The following ARFGAP3 variants were observed in gnomAD, a reference collection of about 807,000 sequenced individuals.
The protein encoded by ARFGAP3 is ARF GTPase activating protein 3, also known as ADP-ribosylation factor GTPase-activating protein 3.
Under a neutral mutation model 75.0 loss-of-function variants are expected in ARFGAP3, and 72 were observed. The observed-to-expected ratio is 0.96, with a 90% CI of 0.79 to 1.17. The LOEUF (loss-of-function observed/expected upper bound fraction) is 1.17. Among genes scored for constraint, ARFGAP3 ranks in the 50% most tolerant of loss-of-function variants. ARFGAP3 has a pLI of 0.00. For synonymous variants in ARFGAP3, 221 were observed against 217.9 expected (o/e 1.01, Z -0.13); for missense variants, 620 against 626.6 (o/e 0.99, Z 0.11).
chr22:42,807,685 T>C (rs972049153), intron 13 of ARFGAP3, among the ~76,000 whole-genome samples: 4 of 151,908 alleles, frequency 2.6e-5, no homozygotes, highest in East Asian at 3.9e-4. Context: ...ATCATCCAAA[T>C]AGTCAGAGGC....
chr22:42,841,205 G>T, intron 2 of ARFGAP3, 189 bp from the exon 3 acceptor site: 1 of 613,126 alleles, frequency 1.6e-6, no homozygotes, highest in Non-Finnish European at 2.0e-6. Flanking sequence ...GCAACCCCTG[G>T]CTCCTCTCGT....
intron 1 of ARFGAP3, among the ~76,000 whole-genome samples, chr22:42,854,164 A>G (rs139444082): frequency 5.3e-4 from 81 of 152,356 alleles, no homozygotes; most frequent in African/African-American, 1.5e-3. Context: ...CCACTAGACT[A>G]TAAGTTCCCT....
At chr22:42,800,126 T>C (rs944438575) in intron 14 of ARFGAP3, among the ~76,000 whole-genome samples, 1 of 152,204 alleles carries the variant, frequency 6.6e-6, no homozygotes, top group African/African-American at 2.4e-5. Flanking sequence ...GTCACAATTG[T>C]AATAAGACGC....
chr22:42,854,780 T>C (rs1299256611), intron 1 of ARFGAP3, among the ~76,000 whole-genome samples: 2 of 152,212 alleles, frequency 1.3e-5, no homozygotes, highest in Admixed American at 1.3e-4. Context: ...GGCTCATGTA[T>C]CTTAGAGCTG....
intron 5 of ARFGAP3, among the ~76,000 whole-genome samples, chr22:42,833,072 T>C (rs1324794212): frequency 6.6e-6 from 1 of 151,788 alleles, no homozygotes; most frequent in Non-Finnish European, 1.5e-5. Context: ...TTTCCCTAGA[T>C]CTAAGTGATC....
chr22:42,821,384 AT>A (rs1925806302), intron 9 of ARFGAP3, among the ~76,000 whole-genome samples: 1 of 152,062 alleles, frequency 6.6e-6, no homozygotes, highest in Admixed American at 6.5e-5. Flanking sequence ...GCCACTCTCC[AT>A]TCTCTCCTCA....
chr22:42,841,046 A>G (rs1269678675), intron 2 of ARFGAP3, 30 bp from the exon 3 acceptor site: 1 of 1,604,162 alleles, frequency 6.2e-7, no homozygotes, highest in Non-Finnish European at 8.5e-7. Context: ...CTAACTGTTA[A>G]TATTTTTTAT....
At chr22:42,801,422 T>C (rs1924855894) in intron 14 of ARFGAP3, among the ~76,000 whole-genome samples, 1 of 152,210 alleles carries the variant, frequency 6.6e-6, no homozygotes, top group Non-Finnish European at 1.5e-5. Flanking sequence ...ATGTTTGCTG[T>C]GCCCAGTGCA....
chr22:42,851,302 C>T (rs1232830615), intron 1 of ARFGAP3, among the ~76,000 whole-genome samples: 4 of 152,230 alleles, frequency 2.6e-5, no homozygotes, highest in Non-Finnish European at 5.9e-5. Flanking sequence ...TTTGGGTACA[C>T]AGCCCAGAGC....
intron 6 of ARFGAP3, among the ~76,000 whole-genome samples, chr22:42,829,009 T>C (rs565258557): frequency 2.0e-5 from 3 of 152,310 alleles, no homozygotes; most frequent in African/African-American, 7.2e-5. Flanking sequence ...TGCTAATAAA[T>C]TATAATAGTG....
intron 2 of ARFGAP3, among the ~76,000 whole-genome samples, chr22:42,844,828 C>A (rs997384531): frequency 4.6e-5 from 7 of 152,136 alleles, no homozygotes; most frequent in African/African-American, 1.7e-4. Flanking sequence ...TAGACTCCTG[C>A]CCTAAGGTTG....
chr22:42,846,286 G>A (rs1051210184), intron 2 of ARFGAP3, among the ~76,000 whole-genome samples: 1 of 152,234 alleles, frequency 6.6e-6, no homozygotes, highest in Non-Finnish European at 1.5e-5. Context: ...GTTTGAGGGT[G>A]CTCTGCACAA....
intron 3 of ARFGAP3, among the ~76,000 whole-genome samples, chr22:42,836,855 A>AG (rs1360289988): frequency 1.3e-5 from 2 of 152,216 alleles, no homozygotes; most frequent in African/African-American, 2.4e-5. Flanking sequence ...AATGAAGCAC[A>AG]GAGAGGTTCA....
At chr22:42,821,064 C>T (rs1014159598) in intron 9 of ARFGAP3, among the ~76,000 whole-genome samples, 8 of 152,198 alleles carry the variant, frequency 5.3e-5, no homozygotes, top group Admixed American at 2.0e-4. Context: ...CCGACACACA[C>T]GATCATTCCA....
chr22:42,820,629 A>G (rs1415630642), intron 9 of ARFGAP3, among the ~76,000 whole-genome samples: 1 of 152,222 alleles, frequency 6.6e-6, no homozygotes, highest in Admixed American at 6.5e-5. Context: ...TAGTAACTCA[A>G]GCTAAAACAG....
At chr22:42,854,960 A>AAT (rs1555900972) in intron 1 of ARFGAP3, among the ~76,000 whole-genome samples, 3 of 151,796 alleles carry the variant, frequency 2.0e-5, no homozygotes, top group Non-Finnish European at 4.4e-5. Context: ...CAGAATATAA[A>AAT]TTTTTCACAG....
At chr22:42,799,301 G>C in intron 14 of ARFGAP3, 141 bp from the exon 15 acceptor site, 1 of 1,452,446 alleles carries the variant, frequency 6.9e-7, no homozygotes, top group Non-Finnish European at 9.1e-7. Flanking sequence ...CAGTGGGATG[G>C]AGACTCGGGC....
At position 42,845,843 on chromosome 22, in the gene ARFGAP3, T is replaced by G. The variant is rs555899112; in HGVS notation, c.188+1671A>C. On this transcript the variant is annotated intron_variant, in intron 2 of 15. Coordinates refer to ENST00000263245, the MANE Select transcript of ARFGAP3 (RefSeq NM_014570.5). Reference sequence around the variant, plus strand: ...TCACAAGGTCAGGAGATCAAGACCATCCTGGCCAACAAGGTGAAAGCCCAT... The same window carrying G: ...TCACAAGGTCAGGAGATCAAGACCAGCCTGGCCAACAAGGTGAAAGCCCAT... 4.6e-5 allele frequency among the ~76,000 whole-genome samples: 7 copies of G among 151,950 alleles called. No individual in the cohort carries two copies. In the East Asian group the frequency reaches 1.4e-3, roughly 30 times the overall value.
intron 14 of ARFGAP3, 159 bp from the exon 15 acceptor site, chr22:42,799,319 G>A: frequency 1.2e-6 from 1 of 864,124 alleles, no homozygotes; most frequent in Non-Finnish European, 1.4e-6. Flanking sequence ...GGCTGAAGTG[G>A]CAGCCCTGCC....
Sources: allele counts gnomAD v4.1 joint callset (sites outside exome capture counted in the v4.1 genomes callset), GRCh38; gene constraint gnomAD v4.1.1; transcripts MANE v1.5; gene names NCBI Gene and HGNC (gene_info 2026-07-23, HGNC 2026-07-21).